The following LZTS1 variants were observed in gnomAD, a reference collection of about 807,000 sequenced individuals.
LZTS1 encodes the protein leucine zipper tumor suppressor 1, also known as leucine zipper putative tumor suppressor 1.
LZTS1 carries 31 observed loss-of-function variants against 45.8 expected under a neutral mutation model. That is an observed-to-expected ratio of 0.68 (90% CI 0.51 to 0.91). LZTS1 has a LOEUF of 0.91. Among genes scored for constraint, LZTS1 ranks in the 40% least tolerant of loss-of-function variants. The pLI is 0.00. For missense variants in LZTS1, 821 were observed against 788.9 expected (o/e 1.04, Z -0.49); for synonymous variants, 359 against 357.3 (o/e 1.00, Z -0.05).
At chr8:20,303,452 A>G (rs925539722) in intron 1 of LZTS1, among the ~76,000 whole-genome samples, 22 of 152,286 alleles carry the variant, frequency 1.4e-4, no homozygotes, top group African/African-American at 5.3e-4. Flanking sequence ...CGGTGCTGGG[A>G]ATAGACGAAC....
chr8:20,264,832 A>G (rs1027281956), intron 1 of LZTS1, among the ~76,000 whole-genome samples: 1 of 152,172 alleles, frequency 6.6e-6, no homozygotes, highest in African/African-American at 2.4e-5. Context: ...TATTCTGTCT[A>G]TTTGACTAAC....
At chr8:20,299,237 T>C (rs1044679738) in intron 1 of LZTS1, among the ~76,000 whole-genome samples, 1 of 152,230 alleles carries the variant, frequency 6.6e-6, no homozygotes, top group Non-Finnish European at 1.5e-5. Context: ...CTTGGAGCCA[T>C]GAACTTGGCT....
chr8:20,283,545 G>A (rs1051336765), intron 1 of LZTS1, among the ~76,000 whole-genome samples: 1 of 152,078 alleles, frequency 6.6e-6, no homozygotes, highest in East Asian at 1.9e-4. Context: ...GTCTGTTCTG[G>A]AAACCCGGAG....
intron 1 of LZTS1, among the ~76,000 whole-genome samples, chr8:20,258,647 C>A (rs972253618): frequency 6.6e-6 from 1 of 152,154 alleles, no homozygotes; most frequent in African/African-American, 2.4e-5. Flanking sequence ...CTCATAGGAT[C>A]GTTATGAGAA....
At chr8:20,273,776 TTG>T (rs1563881487) in intron 1 of LZTS1, among the ~76,000 whole-genome samples, 2,033 of 149,858 alleles carry the variant, frequency 0.014, 44 homozygotes, top group African/African-American at 0.045. Context: ...CCTGTTATAT[TTG>T]TTTTTTTTTT....
At chr8:20,260,543 A>T (rs1325688256) in intron 1 of LZTS1, among the ~76,000 whole-genome samples, 2 of 152,130 alleles carry the variant, frequency 1.3e-5, no homozygotes, top group Non-Finnish European at 2.9e-5. Context: ...AGGCCCAGAG[A>T]TGTTAGGGTT....
At chr8:20,256,060 CAAAAAAAAAA>C (rs386412254) in intron 1 of LZTS1, among the ~76,000 whole-genome samples, 4 of 56,460 alleles carry the variant, frequency 7.1e-5, no homozygotes, top group Non-Finnish European at 9.6e-5. Flanking sequence ...GGGCCTGACT[CAAAAAAAAAA>C]AAAAAAAAAA....
intron 1 of LZTS1, among the ~76,000 whole-genome samples, chr8:20,284,171 T>C (rs190483646): frequency 6.6e-6 from 1 of 152,288 alleles, no homozygotes; most frequent in East Asian, 1.9e-4. Context: ...AACCGCTCTT[T>C]CCAACTGAGA....
intron 1 of LZTS1, chr8:20,290,483 C>G (rs911781289): frequency 6.6e-6 from 1 of 152,238 alleles, no homozygotes; most frequent in African/African-American, 2.4e-5. Context: ...CGTAGGAGGA[C>G]TCGTATATGT....
At chr8:20,279,440 C>T (rs1312398619) in intron 1 of LZTS1, among the ~76,000 whole-genome samples, 2 of 152,134 alleles carry the variant, frequency 1.3e-5, no homozygotes, top group South Asian at 2.1e-4. Flanking sequence ...CTATTTGCCT[C>T]AGAAATTGCT....
In LZTS1 at chr8:20,249,609, G is replaced by A. The variant is rs1257216964; in HGVS notation, c.*113C>T. On this transcript the variant is annotated 3_prime_UTR_variant, in exon 4 of 4. Coordinates refer to ENST00000381569, the MANE Select transcript of LZTS1 (RefSeq NM_021020.5). ...CTCCCCTCGGGGGTCCTGGGTCTGTGTCCCAGGGAGTGGCGTCTCTCAGAG... is the reference window on the plus strand; with the variant it reads ...CTCCCCTCGGGGGTCCTGGGTCTGTATCCCAGGGAGTGGCGTCTCTCAGAG... 1.5e-6 allele frequency: 2 copies of A among 1,346,774 alleles called. No homozygotes were observed. Among genetic ancestry groups the A allele is most frequent in the Non-Finnish European group, 2.0e-6 (2 of 998,448 alleles). 83.4% of individuals were successfully genotyped at this position (1,346,774 alleles called of 1,614,324 possible). A position where few individuals can be genotyped will look rare whatever the true frequency, so the allele number is the denominator to read the frequency against.
chr8:20,294,634 T>C (rs566065903), intron 1 of LZTS1, among the ~76,000 whole-genome samples: 47 of 152,222 alleles, frequency 3.1e-4, no homozygotes, highest in African/African-American at 1.1e-3. Flanking sequence ...ATGTGTGCGC[T>C]GTCCAGTCCA....
chr8:20,292,814 T>G (rs1473674880), intron 1 of LZTS1, among the ~76,000 whole-genome samples: 2 of 152,202 alleles, frequency 1.3e-5, no homozygotes, highest in African/African-American at 4.8e-5. Context: ...AGAGCCCTGA[T>G]GTGGACCATC....
chr8:20,272,716 A>G (rs1800497154), intron 1 of LZTS1, among the ~76,000 whole-genome samples: 1 of 152,218 alleles, frequency 6.6e-6, no homozygotes, highest in Non-Finnish European at 1.5e-5. Flanking sequence ...CCCTGAACTC[A>G]TAAACCTGCA....
At chr8:20,300,862 G>A (rs542034085) in intron 1 of LZTS1, among the ~76,000 whole-genome samples, 13 of 152,216 alleles carry the variant, frequency 8.5e-5, no homozygotes, top group Non-Finnish European at 1.5e-4. Context: ...GCTCCTGCCT[G>A]TAATCCCAAC....
chr8:20,259,441 T>A (rs1800179398), intron 1 of LZTS1, among the ~76,000 whole-genome samples: 1 of 152,146 alleles, frequency 6.6e-6, no homozygotes, highest in Non-Finnish European at 1.5e-5. Flanking sequence ...CTCACCTCCA[T>A]CTCCTCTCAC....
Position 20,303,936 on chromosome 8 carries a change from C to G in LZTS1, c.-331G>C. ...CCTCCCCGCCCGGCCGCTGCCAACC[C>G]GCCAGCTCCAGGCGCGCCGGCCTCT... On this transcript the variant is annotated 5_prime_UTR_variant, in exon 1 of 4. Coordinates refer to ENST00000381569, the MANE Select transcript of LZTS1 (RefSeq NM_021020.5). 2.0e-6 allele frequency: 2 copies of G among 981,874 alleles called. No individual in the cohort carries two copies. Among genetic ancestry groups the G allele is most frequent in the South Asian group, 4.7e-5 (1 of 21,268 alleles). 60.8% of individuals were successfully genotyped at this position (981,874 alleles called of 1,614,324 possible).
intron 1 of LZTS1, among the ~76,000 whole-genome samples, chr8:20,272,619 C>T (rs117549320): frequency 1.4e-4 from 21 of 152,288 alleles, no homozygotes; most frequent in Non-Finnish European, 2.9e-4. Flanking sequence ...AGCCCTGTAC[C>T]CACCTCTGCT....
chr8:20,254,001 G>A (rs1012469325), intron 2 of LZTS1, among the ~76,000 whole-genome samples: 7 of 152,130 alleles, frequency 4.6e-5, no homozygotes, highest in Admixed American at 3.3e-4. Context: ...GCAAGGACAC[G>A]GACCTGGCCT....
Sources: allele counts gnomAD v4.1 joint callset (sites outside exome capture counted in the v4.1 genomes callset), GRCh38; gene constraint gnomAD v4.1.1; transcripts MANE v1.5; gene names NCBI Gene and HGNC (gene_info 2026-07-23, HGNC 2026-07-21).